SOCS2: variants seen among roughly 807,000 people sequenced by gnomAD.
SOCS2 encodes suppressor of cytokine signaling 2, also known as CIS-2.
A neutral mutation model predicts 18.6 loss-of-function variants in SOCS2; 10 were observed. The observed-to-expected ratio is 0.54, with a 90% CI of 0.33 to 0.91. The LOEUF is 0.91. Among genes scored for constraint, SOCS2 ranks in the 40% least tolerant of loss-of-function variants. The pLI, the probability that SOCS2 is intolerant of heterozygous loss-of-function variation, is 0.02. For synonymous variants in SOCS2, 104 were observed against 104.0 expected (o/e 1.00, Z 0.00); for missense variants, 231 against 247.2 (o/e 0.93, Z 0.44).
downstream of SOCS2, among the ~76,000 whole-genome samples, chr12:93,579,490 G>T (rs138510220): frequency 6.6e-6 from 1 of 151,972 alleles, no homozygotes; most frequent in Non-Finnish European, 1.5e-5. Flanking sequence ...AGTATGGCAG[G>T]CTCCTTTTTC....
chr12:93,572,633 A>C (rs1420674048), upstream of SOCS2: 9 of 656,594 alleles, frequency 1.4e-5, no homozygotes, highest in African/African-American at 1.8e-5. This position sits in a 1 kb window ranked among gnomAD's most constrained non-coding sequence, Gnocchi z 5.0. Context: ...CCCCCACCCC[A>C]GCCGCAGGGG....
At chr12:93,603,183 C>A in the SOCS2 span, among the ~76,000 whole-genome samples, 4 of 152,200 alleles carry the variant, frequency 2.6e-5, no homozygotes, top group Non-Finnish European at 4.4e-5. Context: ...TAAGTCTCAG[C>A]AGCCTTTAGC....
chr12:93,607,149 A>T, the SOCS2 span, among the ~76,000 whole-genome samples: 2 of 152,206 alleles, frequency 1.3e-5, no homozygotes, highest in Non-Finnish European at 2.9e-5. Flanking sequence ...TTAATAAAAT[A>T]TGTGTTCTTT....
the SOCS2 span, among the ~76,000 whole-genome samples, chr12:93,603,836 G>A: frequency 6.6e-6 from 1 of 152,112 alleles, no homozygotes; most frequent in Non-Finnish European, 1.5e-5. Flanking sequence ...AAATGTGGCC[G>A]CCTGCTCCTT....
At chr12:93,614,496 C>CTTCT in the SOCS2 span, among the ~76,000 whole-genome samples, 992 of 40,888 alleles carry the variant, frequency 0.024, 82 homozygotes, top group South Asian at 0.057. Flanking sequence ...TCCTTCCTTC[C>CTTCT]TTCCTTCCTT....
the SOCS2 span, among the ~76,000 whole-genome samples, chr12:93,614,462 CCTTCCTTCCTTCCTTCCTTT>C: frequency 1.1e-5 from 1 of 90,348 alleles, no homozygotes; most frequent in Non-Finnish European, 2.0e-5. Flanking sequence ...TTCCTTCCTT[CCTTCCTTCCTTCCTTCCTTT>C]CCTTCCTTCC....
the SOCS2 span, among the ~76,000 whole-genome samples, chr12:93,622,115 A>T: frequency 6.6e-6 from 1 of 152,170 alleles, no homozygotes; most frequent in Non-Finnish European, 1.5e-5. Context: ...GCCAACATTT[A>T]AAACTCTGGA....
intron 1 of SOCS2, chr12:93,573,423 C>T (rs747355617): frequency 7.1e-5 from 29 of 410,494 alleles, no homozygotes; most frequent in Non-Finnish European, 9.9e-5. Flanking sequence ...GCAGGCCCAG[C>T]AGCATCTGGC....
At chr12:93,614,570 T>TCTTC in the SOCS2 span, among the ~76,000 whole-genome samples, 1 of 74,320 alleles carries the variant, frequency 1.3e-5, no homozygotes, top group Non-Finnish European at 2.5e-5. Flanking sequence ...TTTCTTTCTT[T>TCTTC]CTTTCTTTCT....
Position 93,572,997 on chromosome 12 carries a change from G to C in SOCS2, c.100G>C (p.Ala34Pro). ...GSAEEPSPQA[A>P]RLAKALRELG... Reference sequence around the variant, plus strand: ...GGCGGAGGAGCCATCCCCGCAGGCGGCGCGTCTGGCGAAGGCCCTGCGGGA... The same window carrying C: ...GGCGGAGGAGCCATCCCCGCAGGCGCCGCGTCTGGCGAAGGCCCTGCGGGA... Residue 34 changes from alanine to proline, a missense_variant, in exon 1 of 2, where the codon GCG becomes CCG. By Grantham distance (27) the Ala-to-Pro change is conservative. This residue lies in a region of SOCS2 where 106 missense variants were observed against 103.8 expected (regional missense o/e 1.02). Transcript: ENST00000551556. The surrounding 1 kb of genome is among the most constrained non-coding windows in gnomAD (Gnocchi z 5.0). 1 of 1,569,638 alleles carries C rather than the reference G, an allele frequency of 6.4e-7. No homozygotes were observed. Among genetic ancestry groups the C allele is most frequent in the Non-Finnish European group, 8.6e-7 (1 of 1,159,654 alleles).
the SOCS2 span, among the ~76,000 whole-genome samples, chr12:93,614,480 TTTCC>T: frequency 0.013 from 326 of 26,036 alleles, 2 homozygotes; most frequent in South Asian, 0.019. Context: ...CCTTCCTTCC[TTTCC>T]TTCCTTCCTT....
downstream of SOCS2, among the ~76,000 whole-genome samples, chr12:93,583,707 G>A (rs550504851): frequency 1.8e-4 from 27 of 152,314 alleles, no homozygotes; most frequent in South Asian, 2.1e-4. Flanking sequence ...CGTCCAAGGC[G>A]TGACAGGCAA....
chr12:93,625,881 C>T, the SOCS2 span, among the ~76,000 whole-genome samples: 1 of 152,088 alleles, frequency 6.6e-6, no homozygotes, highest in Admixed American at 6.6e-5. Context: ...GCGTCAGAAC[C>T]CTGTATCTGA....
the SOCS2 span, among the ~76,000 whole-genome samples, chr12:93,614,388 T>C: frequency 5.7e-5 from 8 of 139,182 alleles, no homozygotes; most frequent in South Asian, 1.9e-3. Flanking sequence ...TTTCTTTCTT[T>C]CTTTCTTTCT....
At chr12:93,589,350 AT>A in the SOCS2 span, among the ~76,000 whole-genome samples, 17 of 151,424 alleles carry the variant, frequency 1.1e-4, no homozygotes, top group African/African-American at 2.9e-4. Flanking sequence ...CATTCTGGGA[AT>A]TTTTTTTTTA....
At chr12:93,622,379 T>G in the SOCS2 span, among the ~76,000 whole-genome samples, 16 of 152,324 alleles carry the variant, frequency 1.1e-4, no homozygotes, top group East Asian at 2.9e-3. Context: ...ACAAAAGTGT[T>G]GTCGGAGACT....
the SOCS2 span, among the ~76,000 whole-genome samples, chr12:93,609,012 C>G: frequency 1.3e-5 from 2 of 152,208 alleles, no homozygotes; most frequent in African/African-American, 4.8e-5. Flanking sequence ...GTAATTCCAG[C>G]ACTTTGGGAG....
chr12:93,585,463 C>T (rs763868247), downstream of SOCS2, among the ~76,000 whole-genome samples: 8 of 152,124 alleles, frequency 5.3e-5, no homozygotes, highest in Non-Finnish European at 1.0e-4. Context: ...TAGTGCCACC[C>T]AACCATAAGG....
At chr12:93,622,153 CTCT>C in the SOCS2 span, among the ~76,000 whole-genome samples, 17 of 152,212 alleles carry the variant, frequency 1.1e-4, no homozygotes, top group Admixed American at 9.8e-4. Flanking sequence ...TGATTTCTGG[CTCT>C]TCTTGTAAAA....
Sources: gnomAD v4.1 joint callset for allele counts (sites outside exome capture counted in the v4.1 genomes callset) on GRCh38, gnomAD v4.1.1 for gene constraint, gnomAD v4.1.1 regional missense constraint, Gnocchi (gnomAD v3.1) non-coding constraint, MANE v1.5 for transcripts, NCBI Gene and HGNC (gene_info 2026-07-23, HGNC 2026-07-21) for gene names.